The following ZXDC variants were observed in gnomAD, a reference collection of about 807,000 sequenced individuals.
ZXDC encodes ZXD family zinc finger C, also known as zinc finger protein ZXDC.
Under a neutral mutation model 63.6 loss-of-function variants are expected in ZXDC, and 58 were observed. The ratio of observed to expected loss-of-function variants is 0.91; its 90% CI spans 0.74 to 1.13. ZXDC has a LOEUF of 1.13. Ranked by LOEUF, ZXDC falls within the 50% of genes most tolerant of loss-of-function variation. The probability of loss-of-function intolerance (pLI) is 0.00; values close to 1 mark genes in which losing one functional copy is unlikely to be tolerated. For synonymous variants in ZXDC, 561 were observed against 496.1 expected, an observed-to-expected ratio of 1.13 and a Z score of -1.74; for missense variants, 1,133 against 1,148.9, an observed-to-expected ratio of 0.99 and a Z score of 0.20.
rs1560087022 is a variant in ZXDC, at chr3:126,439,758, AT to A, written c.2395-32del. The A allele has an allele frequency of 2.6e-6, 4 of 1,544,280 alleles. No individual in the cohort carries two copies. The South Asian group carries it at 4.8e-5, about 19-fold the overall frequency. On this transcript the variant is annotated intron_variant, in intron 8 of 9. Transcript: ENST00000389709. ...AAGGCAACACAGAAAGGCCTGTCAC[AT>A]GTCTGTGAGAGTGCAGCAAAGGTCC... is the stretch of plus-strand genomic sequence containing the variant.
chr3:126,456,467 G>A (rs528292993), intron 7 of ZXDC, among the ~76,000 whole-genome samples: 2 of 152,350 alleles, frequency 1.3e-5, no homozygotes, highest in East Asian at 3.9e-4. Context: ...AGTCTCAGGT[G>A]GGCTTCCCTG....
intron 7 of ZXDC, among the ~76,000 whole-genome samples, chr3:126,455,287 G>A (rs1934263146): frequency 6.6e-6 from 1 of 152,046 alleles, no homozygotes; most frequent in Non-Finnish European, 1.5e-5. Flanking sequence ...AGTAACTAGT[G>A]GTATTAATAA....
chr3:126,439,911 C>G, intron 8 of ZXDC, 184 bp from the exon 9 acceptor site: 1 of 1,414,072 alleles, frequency 7.1e-7, no homozygotes, highest in Non-Finnish European at 9.2e-7. Flanking sequence ...CCTGTTCCCA[C>G]CTGGTTCTCA....
intron 4 of ZXDC, among the ~76,000 whole-genome samples, chr3:126,467,140 C>A (rs548944958): frequency 2.0e-5 from 3 of 152,230 alleles, no homozygotes; most frequent in Non-Finnish European, 4.4e-5. Flanking sequence ...CCCGAGAAGG[C>A]AGAAAAGCGG....
chr3:126,457,583 A>G, intron 7 of ZXDC: 1 of 985,436 alleles, frequency 1.0e-6, no homozygotes, highest in Non-Finnish European at 1.2e-6. Context: ...TAAACCAATG[A>G]GTGCATTAAA....
At chr3:126,454,818 G>C in intron 7 of ZXDC, 4 of 985,404 alleles carry the variant, frequency 4.1e-6, no homozygotes, top group Non-Finnish European at 4.8e-6. Flanking sequence ...AATAAAACTT[G>C]ACATTTTTAC....
intron 7 of ZXDC, among the ~76,000 whole-genome samples, chr3:126,456,784 T>C (rs796583): frequency 0.99 from 150,573 of 152,328 alleles, 74,447 homozygotes; most frequent in Middle Eastern, 1. Flanking sequence ...AAGCCCCACA[T>C]ACAGTCTCAA....
chr3:126,462,293 T>C (rs1934589394), intron 5 of ZXDC, 73 bp from the exon 6 acceptor site: 2 of 1,501,832 alleles, frequency 1.3e-6, no homozygotes. Context: ...ATGCCCATGA[T>C]GTTACCGAGT....
intron 8 of ZXDC, chr3:126,440,340 C>T: frequency 2.0e-6 from 2 of 986,834 alleles, no homozygotes; most frequent in Non-Finnish European, 2.4e-6. Flanking sequence ...CTCATTCCTT[C>T]TGTTTGAGAA....
intron 7 of ZXDC, chr3:126,454,862 GA>G: frequency 1.0e-6 from 1 of 985,322 alleles, no homozygotes. Flanking sequence ...ATTCTAAGGG[GA>G]GAATCTCAAT....
At chr3:126,461,191 G>C (rs750179289) in intron 6 of ZXDC, 180 of 1,043,306 alleles carry the variant, frequency 1.7e-4, no homozygotes, top group Admixed American at 2.6e-4. Context: ...TTCTAGGACT[G>C]GTCATGAGCT....
chr3:126,471,082 T>G, intron 3 of ZXDC, 57 bp from the exon 4 acceptor site: 1 of 1,574,420 alleles, frequency 6.4e-7, no homozygotes, highest in Non-Finnish European at 8.7e-7. Flanking sequence ...CCATAATTCT[T>G]TAAAATTCTA....
rs1360237944 is a variant in ZXDC, at chr3:126,475,319, C to A, written c.547G>T (p.Ala183Ser). Residue 183 changes from alanine to serine, a missense_variant, in exon 1 of 10, where the codon GCG becomes TCG. Coordinates refer to ENST00000389709, the MANE Select transcript of ZXDC (RefSeq NM_025112.5). Reference protein sequence around the residue: ...PGYRCPEPQCALAFAKKHQLK... With the variant: ...PGYRCPEPQCSLAFAKKHQLK... ...TGGTGCTTCTTGGCGAAGGCCAGCG[C>A]GCACTGCGGCTCGGGGCAGCGGTAG... 1.7e-5 allele frequency: 27 copies of A among 1,545,234 alleles called. No individual in the cohort carries two copies. The highest frequency in any genetic ancestry group is 2.4e-5 in the Non-Finnish European group (27 of 1,144,154).
intron 6 of ZXDC, chr3:126,459,941 A>C: frequency 2.0e-6 from 2 of 985,482 alleles, no homozygotes; most frequent in Non-Finnish European, 2.4e-6. Context: ...AATGTATGTG[A>C]CTTTCTTATC....
chr3:126,450,615 G>A (rs1248155998), intron 7 of ZXDC: 5 of 445,174 alleles, frequency 1.1e-5, no homozygotes, highest in Non-Finnish European at 2.3e-5. Flanking sequence ...GCTGACCCAG[G>A]GCCCCTACCC....
intron 3 of ZXDC, among the ~76,000 whole-genome samples, chr3:126,471,276 T>C (rs574642100): frequency 6.6e-6 from 1 of 152,324 alleles, no homozygotes; most frequent in South Asian, 2.1e-4. Flanking sequence ...TTCAATCTAA[T>C]ATAAGCTAAT....
intron 8 of ZXDC, 29 bp from the exon 9 acceptor site, chr3:126,439,756 A>G (rs1468805383): frequency 6.5e-7 from 1 of 1,544,938 alleles, no homozygotes; most frequent in Non-Finnish European, 8.7e-7. Context: ...AAGGCCTGTC[A>G]CATGTCTGTG....
At position 126,462,043 on chromosome 3, in the gene ZXDC, A is replaced by ATAGTCAGGATTCCGGAGTTCAGAGC. The variant is rs1303920838; in HGVS notation, c.1594_1618dup (p.Ile540SerfsTer10). 1 of 1,614,160 alleles carries ATAGTCAGGATTCCGGAGTTCAGAGC rather than the reference A, an allele frequency of 6.2e-7. No individual in the cohort carries two copies. Among genetic ancestry groups the ATAGTCAGGATTCCGGAGTTCAGAGC allele is most frequent in the African/African-American group, 1.3e-5 (1 of 75,030 alleles). ...AGAGGAGCTCACAGAAGTGACGTCA[A>ATAGTCAGGATTCCGGAGTTCAGAGC]TAGTCAGGATTCCGGAGTTCAGAGC... On this transcript the variant is annotated frameshift_variant, in exon 6 of 10. Coordinates refer to ENST00000389709, the MANE Select transcript of ZXDC (RefSeq NM_025112.5). LOFTEE classifies it high-confidence loss of function.
In ZXDC at chr3:126,466,164, G is replaced by T. The variant is rs757975788; in HGVS notation, c.1432C>A (p.Arg478=). The change falls in exon 5 of 10, where the codon CGG becomes AGG. Residue 478 remains arginine (R), a synonymous_variant. Coordinates refer to ENST00000389709, the MANE Select transcript of ZXDC (RefSeq NM_025112.5). ...CGTGGAAAGTGCAGACCTTGGCGCCGGCTGTGCTGTCTGACCATGTGCGCC... is the reference window on the plus strand; with the variant it reads ...CGTGGAAAGTGCAGACCTTGGCGCCTGCTGTGCTGTCTGACCATGTGCGCC... ...MKAHMVRQHS[R]RQDLLPQLEA... is the part of the protein sequence containing the mutation. 1 of 1,613,236 alleles carries T rather than the reference G, an allele frequency of 6.2e-7. No homozygotes were observed. Among genetic ancestry groups the T allele is most frequent in the Non-Finnish European group, 8.5e-7 (1 of 1,179,526 alleles).
Sources: gnomAD v4.1 joint callset for allele counts (sites outside exome capture counted in the v4.1 genomes callset) on GRCh38, gnomAD v4.1.1 for gene constraint, MANE v1.5 for transcripts, NCBI Gene and HGNC (gene_info 2026-07-23, HGNC 2026-07-21) for gene names.